The following TMEM131 variants were observed in gnomAD, a reference collection of about 807,000 sequenced individuals.
TMEM131 encodes the protein transmembrane protein 131.
In TMEM131, 66 loss-of-function variants were observed where a neutral mutation model predicts 211.6. The observed-to-expected ratio is 0.31, with a 90% confidence interval of 0.26 to 0.38. The LOEUF (loss-of-function observed/expected upper bound fraction) is 0.38. Among genes scored for constraint, TMEM131 ranks in the 10% least tolerant of loss-of-function variants. The pLI, the probability that TMEM131 is intolerant of heterozygous loss-of-function variation, is 1.00. For missense variants in TMEM131, 2,036 were observed against 2,299.3 expected (o/e 0.89, Z 2.34); for synonymous variants, 844 against 841.3 (o/e 1.00, Z -0.06).
intron 1 of TMEM131, among the ~76,000 whole-genome samples, chr2:97,983,227 T>C (rs1289759481): frequency 1.3e-5 from 2 of 152,200 alleles, no homozygotes; most frequent in Non-Finnish European, 2.9e-5. Flanking sequence ...AGTCTCATAA[T>C]GACGGTCTCA....
chr2:97,776,043 G>C (rs1181271547), intron 31 of TMEM131, 25 bp from the exon 32 acceptor site: 1 of 1,588,472 alleles, frequency 6.3e-7, no homozygotes, highest in Non-Finnish European at 8.5e-7. Flanking sequence ...TAAAGTAAAA[G>C]AACTCTTGTT....
intron 5 of TMEM131, among the ~76,000 whole-genome samples, chr2:97,855,225 CA>C (rs1236912363): frequency 2.6e-5 from 4 of 152,136 alleles, no homozygotes; most frequent in African/African-American, 9.7e-5. Flanking sequence ...GCAAAAGTAA[CA>C]AGTGCTTATT....
At chr2:97,825,008 A>T (rs962238224) in intron 11 of TMEM131, among the ~76,000 whole-genome samples, 120 of 152,180 alleles carry the variant, frequency 7.9e-4, no homozygotes, top group African/African-American at 2.8e-3. Context: ...AGAATGGTTC[A>T]CTGTTCTGGA....
At chr2:97,758,068 C>A (rs1214331714) in intron 40 of TMEM131, among the ~76,000 whole-genome samples, 2 of 150,982 alleles carry the variant, frequency 1.3e-5, no homozygotes, top group Admixed American at 1.3e-4. Context: ...GGAGGCGGAG[C>A]TTGCAGTGAG....
At chr2:97,862,967 A>T (rs1437095489) in intron 4 of TMEM131, among the ~76,000 whole-genome samples, 1 of 152,092 alleles carries the variant, frequency 6.6e-6, no homozygotes, top group Non-Finnish European at 1.5e-5. Context: ...AGGATAAAGA[A>T]AGGATCCTAA....
At chr2:97,787,715 G>A (rs1015349159) in intron 31 of TMEM131, among the ~76,000 whole-genome samples, 1 of 152,162 alleles carries the variant, frequency 6.6e-6, no homozygotes, top group Non-Finnish European at 1.5e-5. Flanking sequence ...TCTGCATCGT[G>A]TGGTGCATGA....
chr2:97,866,928 T>C (rs190302954), intron 4 of TMEM131, among the ~76,000 whole-genome samples: 1 of 152,368 alleles, frequency 6.6e-6, no homozygotes, highest in East Asian at 1.9e-4. Flanking sequence ...ATTACACTTA[T>C]CAGTTAAGCA....
At chr2:97,838,010 C>T (rs57681139) in intron 7 of TMEM131, among the ~76,000 whole-genome samples, 50,310 of 151,758 alleles carry the variant, frequency 0.33, 9,130 homozygotes, top group Non-Finnish European at 0.39. Flanking sequence ...GCTTCTTTTG[C>T]TCAATGCAAT....
chr2:97,761,375 C>T (rs571029629), intron 36 of TMEM131: 10 of 162,640 alleles, frequency 6.1e-5, no homozygotes, highest in Non-Finnish European at 4.1e-5. Context: ...TGGGCAACGG[C>T]GGGGAGGACC....
At position 97,834,834 on chromosome 2, in the gene TMEM131, G is replaced by C. The variant is rs1474569239; in HGVS notation, c.896C>G (p.Thr299Ser). The C allele has an allele frequency of 6.2e-7, 1 of 1,613,802 alleles. No homozygotes were observed. Among genetic ancestry groups the C allele is most frequent in the Non-Finnish European group, 8.5e-7 (1 of 1,179,800 alleles). The change falls in exon 9 of 41, where the codon ACT becomes AGT. Residue 299 changes from threonine (T) to serine (S), a missense_variant. By Grantham distance (58) the Thr-to-Ser change is moderately conservative (BLOSUM62 1). This residue lies in a region of TMEM131 where 277 missense variants were observed against 378.0 expected (regional missense o/e 0.73). Transcript: ENST00000186436. ...AAACTCTGTGCTGTCTGAAGCATTA[G>C]TCTTTATTCTTATGAAGGCTGTGTG... ...DNHTAFIRIK[T>S]NASDSTEFII...
intron 1 of TMEM131, among the ~76,000 whole-genome samples, chr2:97,952,263 C>T (rs1419485832): frequency 6.6e-6 from 1 of 151,602 alleles, no homozygotes; most frequent in African/African-American, 2.4e-5. Flanking sequence ...AATGAAAAAT[C>T]TAACATTAGG....
intron 1 of TMEM131, among the ~76,000 whole-genome samples, chr2:97,980,459 T>C (rs1410010574): frequency 6.6e-6 from 1 of 152,178 alleles, no homozygotes; most frequent in Non-Finnish European, 1.5e-5. Context: ...GAAATGGAAC[T>C]CTCATACACT....
At chr2:97,777,391 C>T (rs369417897) in intron 31 of TMEM131, among the ~76,000 whole-genome samples, 3 of 152,362 alleles carry the variant, frequency 2.0e-5, no homozygotes, top group African/African-American at 4.8e-5. Context: ...GTGTTTAAAA[C>T]GGGTTGGCAA....
rs182392063 is a variant in TMEM131 at position 97,861,104 on chromosome 2, T to G, written c.360-1677A>C. 1.2e-3 allele frequency among the ~76,000 whole-genome samples: 188 copies of G among 152,270 alleles called. 1 individual carries two copies. The highest frequency in any genetic ancestry group is 0.011 in the Admixed American group (171 of 15,306). On this transcript the variant is annotated intron_variant, in intron 4 of 40. Coordinates refer to ENST00000186436, the MANE Select transcript of TMEM131 (RefSeq NM_015348.2). ...CCTGCCCAAGGAGACAGCATTTAGA[T>G]GAACTCTAGCAGTCCTAACTTGAGT...
At chr2:97,901,722 TA>T in intron 3 of TMEM131, among the ~76,000 whole-genome samples, 1 of 152,244 alleles carries the variant, frequency 6.6e-6, no homozygotes, top group South Asian at 2.1e-4. Flanking sequence ...AGAAGGGAGC[TA>T]AAAAAGTTTA....
chr2:97,867,946 A>G (rs1272755812), intron 4 of TMEM131, among the ~76,000 whole-genome samples: 1 of 152,158 alleles, frequency 6.6e-6, no homozygotes, highest in African/African-American at 2.4e-5. Flanking sequence ...TTGAATGAAT[A>G]ATTTCCTGCA....
intron 8 of TMEM131, 146 bp from the exon 9 acceptor site, chr2:97,835,071 T>C (rs1471539218): frequency 2.6e-6 from 2 of 755,556 alleles, no homozygotes; most frequent in Admixed American, 2.9e-5. Flanking sequence ...TAAACCAATA[T>C]GTAACACACA....
chr2:97,855,170 T>G (rs2105158988), intron 5 of TMEM131, among the ~76,000 whole-genome samples: 1 of 152,264 alleles, frequency 6.6e-6, no homozygotes, highest in East Asian at 1.9e-4. Flanking sequence ...ATAGGTGGGG[T>G]GGCAAAACTA....
At chr2:97,919,163 C>T (rs1461243467) in intron 2 of TMEM131, among the ~76,000 whole-genome samples, 2 of 152,292 alleles carry the variant, frequency 1.3e-5, no homozygotes, top group African/African-American at 2.4e-5. Flanking sequence ...AAATGTTCTG[C>T]CACAATGCAT....
Sources: gnomAD v4.1 joint callset for allele counts (sites outside exome capture counted in the v4.1 genomes callset) on GRCh38, gnomAD v4.1.1 for gene constraint, gnomAD v4.1.1 regional missense constraint, MANE v1.5 for transcripts, NCBI Gene and HGNC (gene_info 2026-07-23, HGNC 2026-07-21) for gene names.